The following COL1A1 variants were observed in gnomAD, a reference collection of about 807,000 sequenced individuals.
COL1A1 encodes the protein collagen alpha-1(I) chain.
In COL1A1, 21 loss-of-function variants were observed where a neutral mutation model predicts 195.7. The ratio of observed to expected loss-of-function variants is 0.11; its 90% CI spans 0.08 to 0.15. The LOEUF (loss-of-function observed/expected upper bound fraction) is 0.15. Among genes scored for constraint, COL1A1 ranks in the 10% least tolerant of loss-of-function variants. COL1A1 has a pLI of 1.00. For missense variants in COL1A1, 1,365 were observed against 2,051.0 expected, an observed-to-expected ratio of 0.67 and a Z score of 6.46; for synonymous variants, 749 against 747.3, an observed-to-expected ratio of 1.00 and a Z score of -0.04.
Position 50,189,633 on chromosome 17 carries a change from C to A in COL1A1, c.2667+46G>T. On this transcript the variant is annotated intron_variant, in intron 38 of 50. Coordinates refer to ENST00000225964, the MANE Select transcript of COL1A1 (RefSeq NM_000088.4). This position sits in a 1 kb window ranked among gnomAD's most constrained non-coding sequence, Gnocchi z 5.5. Reference sequence around the variant, plus strand: ...CCACCATCCTTCTGGCAGCCCCCACCCAGCACCCCCAACCTAGAGCAGTGG... The same window carrying A: ...CCACCATCCTTCTGGCAGCCCCCACACAGCACCCCCAACCTAGAGCAGTGG... 1 of 1,613,004 alleles carries A rather than the reference C, an allele frequency of 6.2e-7. No individual in the cohort carries two copies. The highest frequency in any genetic ancestry group is 8.5e-7 in the Non-Finnish European group (1 of 1,179,474).
chr17:50,196,473 G>C lies in COL1A1; in HGVS notation c.903+11C>G, dbSNP rs755459694. On this transcript the variant is annotated intron_variant, in intron 13 of 50. Transcript: ENST00000225964. ...GCCCCATCCCTGCCCTCTGGAACTGGGCACACTCACCATCTGACCAGGAGC... is the reference window on the plus strand; with the variant it reads ...GCCCCATCCCTGCCCTCTGGAACTGCGCACACTCACCATCTGACCAGGAGC... The C allele has an allele frequency of 4.0e-5, 64 of 1,614,162 alleles. No homozygotes were observed. The highest frequency in any genetic ancestry group is 5.3e-5 in the Non-Finnish European group (62 of 1,180,038).
At chr17:50,192,247 T>C (rs961628867) in intron 29 of COL1A1, 1 of 726,064 alleles carries the variant, frequency 1.4e-6, no homozygotes, top group Admixed American at 2.4e-5. Flanking sequence ...AATAGAAGGG[T>C]TGAGGGAAAG....
At chr17:50,196,262 G>A in intron 14 of COL1A1, 52 bp downstream of exon 14, 2 of 1,611,046 alleles carry the variant, frequency 1.2e-6, no homozygotes, top group Middle Eastern at 1.6e-4. Context: ...TAGAGTTCCT[G>A]GGGAGCCCCT....
chr17:50,194,938 C>T lies in COL1A1; in HGVS notation c.1353+109G>A. ...GTGTCAGGGGTTCCTGGGGGTGTGGCAGGGACTCCCCCAGAAGACTAGGGG... is the reference window on the plus strand; with the variant it reads ...GTGTCAGGGGTTCCTGGGGGTGTGGTAGGGACTCCCCCAGAAGACTAGGGG... On this transcript the variant is annotated intron_variant, in intron 20 of 50. Transcript: ENST00000225964. This position sits in a 1 kb window ranked among gnomAD's most constrained non-coding sequence, Gnocchi z 6.8. 1 of 1,474,716 alleles carries T rather than the reference C, an allele frequency of 6.8e-7. No individual in the cohort carries two copies. The highest frequency in any genetic ancestry group is 9.4e-7 in the Non-Finnish European group (1 of 1,060,844). 91.4% of individuals were successfully genotyped at this position (1,474,716 alleles called of 1,614,324 possible).
At position 50,188,859 on chromosome 17, in the gene COL1A1, T is replaced by C; in HGVS notation, c.3045+44A>G. On this transcript the variant is annotated intron_variant, in intron 41 of 50. Transcript: ENST00000225964. This position sits in a 1 kb window ranked among gnomAD's most constrained non-coding sequence, Gnocchi z 5.6. Reference sequence around the variant, plus strand: ...GAAGAGGGCTTAGGCAAGGCCACAATGGCCATGCTGAGGGTACTGGCATGG... The same window carrying C: ...GAAGAGGGCTTAGGCAAGGCCACAACGGCCATGCTGAGGGTACTGGCATGG... 6.3e-7 allele frequency: 1 copy of C among 1,591,070 alleles called. No homozygotes were observed.
rs1906891591 is a variant in COL1A1 at position 50,189,656 on chromosome 17, T to C, written c.2667+23A>G. ...ACCCAGCACCCCCAACCTAGAGCAG[T>C]GGACTCTGCTGCAGAGACTTACAGA... On this transcript the variant is annotated intron_variant, in intron 38 of 50. Transcript: ENST00000225964. The surrounding 1 kb of genome is among the most constrained non-coding windows in gnomAD (Gnocchi z 5.5). The C allele has an allele frequency of 4.3e-6, 7 of 1,613,042 alleles. No homozygotes were observed. The highest frequency in any genetic ancestry group is 5.9e-6 in the Non-Finnish European group (7 of 1,179,558).
At chr17:50,199,669 G>A in intron 2 of COL1A1, 79 bp from the exon 3 acceptor site, 1 of 1,608,010 alleles carries the variant, frequency 6.2e-7, no homozygotes, top group Non-Finnish European at 8.5e-7. Flanking sequence ...AGCACGGAGG[G>A]CCAGCGAGCG....
In COL1A1 at chr17:50,187,551, A is replaced by T. The variant is rs753490376; in HGVS notation, c.3370-14T>A. 1.2e-6 allele frequency: 2 copies of T among 1,613,690 alleles called. No homozygotes were observed. The highest frequency in any genetic ancestry group is 1.7e-6 in the Non-Finnish European group (2 of 1,179,764). ...ACCAGGAGAGCCCTGAAGGACAGAT[A>T]AAAAAGGCAGTTCAGGCCCAGTGAG... is the stretch of plus-strand genomic sequence containing the variant. On this transcript the variant is annotated splice_polypyrimidine_tract_variant and intron_variant, in intron 45 of 50. Coordinates refer to ENST00000225964, the MANE Select transcript of COL1A1 (RefSeq NM_000088.4).
At position 50,199,247 on chromosome 17, in the gene COL1A1, G is replaced by A; in HGVS notation, c.450C>T (p.Pro150=). Residue 150 remains proline, a synonymous_variant, in exon 5 of 51, where the codon CCC becomes CCT. Coordinates refer to ENST00000225964, the MANE Select transcript of COL1A1 (RefSeq NM_000088.4). ...LPGPPGPPGP[P]GPPGLGGNFA... The stretch of plus-strand genomic sequence containing the variant: ...TTACTCCTCCGAGGCCAGGGGGTCC[G>A]GGAGGTCCGGGGGGTCCGGGGGGTC... 4 of 1,475,426 alleles carry A rather than the reference G, an allele frequency of 2.7e-6. No individual in the cohort carries two copies. Among genetic ancestry groups the A allele is most frequent in the African/African-American group, 2.8e-5 (2 of 70,930 alleles). The allele number at this position is 1,475,426 out of a possible 1,614,324, so 91.4% of individuals were successfully genotyped here.
intron 45 of COL1A1, 166 bp downstream of exon 45, chr17:50,187,710 C>T (rs943127992): frequency 9.9e-6 from 9 of 905,014 alleles, no homozygotes; most frequent in Middle Eastern, 2.6e-4. Flanking sequence ...TCTCTGTGTA[C>T]CCCTCACCCT....
At position 50,195,698 on chromosome 17, in the gene COL1A1, C is replaced by T. The variant is rs1323405227; in HGVS notation, c.1057-33G>A. 1.2e-6 allele frequency: 2 copies of T among 1,602,880 alleles called. No individual in the cohort carries two copies. The highest frequency in any genetic ancestry group is 2.2e-5 in the East Asian group (1 of 44,716). ...AGAAGAAAGGACATATCAGAAGCCA[C>T]CCTGGGAAACCCAACCTTGCCTCTC... On this transcript the variant is annotated intron_variant, in intron 16 of 50. Coordinates refer to ENST00000225964, the MANE Select transcript of COL1A1 (RefSeq NM_000088.4). This position sits in a 1 kb window ranked among gnomAD's most constrained non-coding sequence, Gnocchi z 4.3.
rs1489279473 is a variant in COL1A1, at chr17:50,184,443, C to T, written c.*1059G>A. 1 of 208,772 alleles carries T rather than the reference C, an allele frequency of 4.8e-6. No homozygotes were observed. The highest frequency in any genetic ancestry group is 6.4e-5 in the East Asian group (1 of 15,674). 12.9% of individuals were successfully genotyped at this position (208,772 alleles called of 1,614,324 possible). On this transcript the variant is annotated 3_prime_UTR_variant, in exon 51 of 51. Coordinates refer to ENST00000225964, the MANE Select transcript of COL1A1 (RefSeq NM_000088.4). Reference sequence around the variant, plus strand: ...CACGCTCTCCTCCCATGTTAAATAGCACCTTTAGAAAAATTCACAAGTCCC... The same window carrying T: ...CACGCTCTCCTCCCATGTTAAATAGTACCTTTAGAAAAATTCACAAGTCCC...
chr17:50,199,643 G>A lies in COL1A1; in HGVS notation c.299-53C>T, dbSNP rs1170321820. The A allele has an allele frequency of 1.3e-5, 21 of 1,612,946 alleles. No homozygotes were observed. The Admixed American group carries it at 3.3e-4, about 26-fold the overall frequency. On this transcript the variant is annotated intron_variant, in intron 2 of 50. Transcript: ENST00000225964. ...GCCAAGGTTTGCTAATGCTGCTCCC[G>A]TCGGCAGAGGCCTCCAGCACGGAGG...
rs3205509 is a variant in COL1A1 at position 50,185,891 on chromosome 17, G to T, written c.4135C>A (p.Gln1379Lys). The T allele has an allele frequency of 1.2e-6, 2 of 1,614,164 alleles. No individual in the cohort carries two copies. Among genetic ancestry groups the T allele is most frequent in the Non-Finnish European group, 1.7e-6 (2 of 1,180,036 alleles). Residue 1379 changes from glutamine to lysine, a missense_variant, in exon 50 of 51, where the codon CAG becomes AAG. Gln to Lys is a moderately conservative substitution (Grantham distance 53). Coordinates refer to ENST00000225964, the MANE Select transcript of COL1A1 (RefSeq NM_000088.4). ...GCCTTCTTGAGGTTGCCAGTCTGCT[G>T]GTCCATGTAGGCCACGCTGTTCTTG... ...HCKNSVAYMD[Q>K]QTGNLKKALL... is the part of the protein sequence containing the mutation.
intron 13 of COL1A1, 57 bp downstream of exon 13, chr17:50,196,427 T>C: frequency 4.3e-6 from 7 of 1,613,960 alleles, no homozygotes; most frequent in Non-Finnish European, 5.9e-6. Context: ...CCCCCAGGCC[T>C]CCATCTTGCC....
intron 9 of COL1A1, 119 bp downstream of exon 9, chr17:50,197,611 CAG>C: frequency 3.7e-6 from 3 of 811,374 alleles, no homozygotes. Flanking sequence ...GTCCGTGCAT[CAG>C]AGAGGACTTG....
chr17:50,187,600 G>C, intron 45 of COL1A1, 63 bp from the exon 46 acceptor site: 1 of 1,577,622 alleles, frequency 6.3e-7, no homozygotes, highest in Non-Finnish European at 8.7e-7. Context: ...CTGAGGGCCT[G>C]GCTGGAGAGA....
intron 8 of COL1A1, 73 bp downstream of exon 8, chr17:50,197,876 G>A: frequency 6.3e-7 from 1 of 1,589,450 alleles, no homozygotes; most frequent in Non-Finnish European, 8.6e-7. Flanking sequence ...GAAGACCCCA[G>A]GCCTGGGAGT....
intron 26 of COL1A1, 58 bp from the exon 27 acceptor site, chr17:50,192,908 C>G (rs374443365): frequency 1.2e-6 from 2 of 1,612,724 alleles, no homozygotes; most frequent in Admixed American, 3.3e-5. Flanking sequence ...AGCTGAGGAC[C>G]GTGGCCTCTA....
Sources: gnomAD v4.1 joint callset for allele counts on GRCh38, gnomAD v4.1.1 for gene constraint, Gnocchi (gnomAD v3.1) non-coding constraint, MANE v1.5 for transcripts, NCBI Gene and HGNC (gene_info 2026-07-23, HGNC 2026-07-21) for gene names.